The following ZBTB43 variants were observed in gnomAD, a reference collection of about 807,000 sequenced individuals.
The protein encoded by ZBTB43 is zinc finger and BTB domain-containing protein 43.
A neutral mutation model predicts 31.1 loss-of-function variants in ZBTB43; 6 were observed. The observed-to-expected ratio is 0.19, with a 90% CI of 0.11 to 0.38. The LOEUF (loss-of-function observed/expected upper bound fraction) is 0.38. Among genes scored for constraint, ZBTB43 ranks in the 10% least tolerant of loss-of-function variants. The probability of loss-of-function intolerance (pLI) is 1.00; values close to 1 mark genes in which losing one functional copy is unlikely to be tolerated. For synonymous variants in ZBTB43, 212 were observed against 221.7 expected (o/e 0.96, Z 0.39); for missense variants, 379 against 602.1 (o/e 0.63, Z 3.88).
chr9:126,832,660 C>T lies in ZBTB43; in HGVS notation c.151C>T (p.Leu51Phe). 1 of 1,614,182 alleles carries T rather than the reference C, an allele frequency of 6.2e-7. No homozygotes were observed. Among genetic ancestry groups the T allele is most frequent in the Non-Finnish European group, 8.5e-7 (1 of 1,180,052 alleles). ...CATTTTCCGGGCACACAAAGCCGTT[C>T]TTGCTGCCAGTTCACCCTACTTTTG... is the stretch of plus-strand genomic sequence containing the variant. Reference protein sequence around the residue: ...GHIFRAHKAVLAASSPYFCDQ... With the variant: ...GHIFRAHKAVFAASSPYFCDQ... Residue 51 changes from leucine (L) to phenylalanine (F), a missense_variant, in exon 3 of 3, where the codon CTT becomes TTT. By Grantham distance (22) the Leu-to-Phe change is conservative. This residue lies in a region of ZBTB43 where 79 missense variants were observed against 134.4 expected (regional missense o/e 0.59). Transcript: ENST00000373464.
In ZBTB43 at chr9:126,805,400, A is replaced by T. The variant is rs2032101074; in HGVS notation, c.-147+268A>T. Among the ~76,000 whole-genome samples, 3 of 150,824 alleles carry T rather than the reference A, an allele frequency of 2.0e-5. No individual in the cohort carries two copies. The South Asian group carries it at 6.6e-4, about 33-fold the overall frequency. ...CCCAAGGTCACCCTCGCGGCGGCGG[A>T]GCTCCGCCGGCCACAGCGCTTAGAG... On this transcript the variant is annotated intron_variant, in intron 1 of 2. Transcript: ENST00000373464.
chr9:126,828,111 G>C (rs1266873499), intron 2 of ZBTB43, among the ~76,000 whole-genome samples: 1 of 151,986 alleles, frequency 6.6e-6, no homozygotes, highest in Non-Finnish European at 1.5e-5. Context: ...TAGCCATTTT[G>C]GAGGAAAAAA....
intron 2 of ZBTB43, among the ~76,000 whole-genome samples, chr9:126,818,125 T>C (rs540663700): frequency 9.9e-4 from 148 of 150,192 alleles, no homozygotes; most frequent in African/African-American, 3.0e-3. Context: ...TTTTCTTTTT[T>C]TTTTTTTTTC....
At position 126,813,995 on chromosome 9, in the gene ZBTB43, T is replaced by A. The variant is rs576693942; in HGVS notation, c.-24+5080T>A. ...TATATTATCATTTTTGTAAATGTCC[T>A]ACAGACAGTAGAAAAGGAGTATTAT... On this transcript the variant is annotated intron_variant, in intron 2 of 2. Transcript: ENST00000373464. Among the ~76,000 whole-genome samples, 36 of 152,312 alleles carry A rather than the reference T, an allele frequency of 2.4e-4. No homozygotes were observed. In the South Asian group the frequency reaches 7.2e-3, roughly 31 times the overall value.
chr9:126,828,017 C>CA (rs113774199), intron 2 of ZBTB43, among the ~76,000 whole-genome samples: 4,686 of 144,544 alleles, frequency 0.032, 236 homozygotes, highest in African/African-American at 0.11. Flanking sequence ...AACTCCGTCT[C>CA]AAAAAAAAAA....
At chr9:126,821,047 CTGA>C (rs941275962) in intron 2 of ZBTB43, among the ~76,000 whole-genome samples, 1 of 150,912 alleles carries the variant, frequency 6.6e-6, no homozygotes, top group African/African-American at 2.4e-5. Context: ...CTCTGACACT[CTGA>C]TGGATATCTG....
chr9:126,818,051 C>A (rs2032430068), intron 2 of ZBTB43, among the ~76,000 whole-genome samples: 1 of 151,370 alleles, frequency 6.6e-6, no homozygotes, highest in African/African-American at 2.4e-5. Flanking sequence ...AATCCATAAA[C>A]AACATGGTAT....
rs534432749 is a variant in ZBTB43, at chr9:126,837,173, G to A, written c.*3260G>A. The A allele has an allele frequency of 3.0e-5, 5 of 166,864 alleles. No individual in the cohort carries two copies. Among genetic ancestry groups the A allele is most frequent in the Admixed American group, 6.6e-5 (1 of 15,266 alleles). The allele number at this position is 166,864 out of a possible 1,614,324, so 10.3% of individuals were successfully genotyped here. A position where few individuals can be genotyped will look rare whatever the true frequency, so the allele number is the denominator to read the frequency against. ...AGATACACACGTTACAGTAATCCACGTGGTGAAGTGCATGTCACCGTTAAC... is the reference window on the plus strand; with the variant it reads ...AGATACACACGTTACAGTAATCCACATGGTGAAGTGCATGTCACCGTTAAC... On this transcript the variant is annotated 3_prime_UTR_variant, in exon 3 of 3. Coordinates refer to ENST00000373464, the MANE Select transcript of ZBTB43 (RefSeq NM_014007.4).
chr9:126,804,723 G>C (rs563008742), upstream of ZBTB43, among the ~76,000 whole-genome samples: 1 of 152,224 alleles, frequency 6.6e-6, no homozygotes, highest in Non-Finnish European at 1.5e-5. Flanking sequence ...AGCCTCAAGC[G>C]ATCATCCCCT....
At chr9:126,826,239 T>A (rs2032632411) in intron 2 of ZBTB43, among the ~76,000 whole-genome samples, 1 of 151,202 alleles carries the variant, frequency 6.6e-6, no homozygotes, top group Non-Finnish European at 1.5e-5. Flanking sequence ...TTGGAACTCC[T>A]GACCTCAGGT....
At chr9:126,807,139 T>A (rs2032143789) in intron 1 of ZBTB43, among the ~76,000 whole-genome samples, 1 of 152,258 alleles carries the variant, frequency 6.6e-6, no homozygotes, top group South Asian at 2.1e-4. Flanking sequence ...ATATCACAAC[T>A]GAATTACTAC....
In ZBTB43 at chr9:126,836,904, G is replaced by A. The variant is rs1445672548; in HGVS notation, c.*2991G>A. On this transcript the variant is annotated 3_prime_UTR_variant, in exon 3 of 3. Transcript: ENST00000373464. Reference sequence around the variant, plus strand: ...GGATCACCTGAGGTCAGGAGTTTGTGACCAGCCTGACCAACATAGTGAAAC... The same window carrying A: ...GGATCACCTGAGGTCAGGAGTTTGTAACCAGCCTGACCAACATAGTGAAAC... 1 of 153,546 alleles carries A rather than the reference G, an allele frequency of 6.5e-6. No individual in the cohort carries two copies. The highest frequency in any genetic ancestry group is 1.5e-5 in the Non-Finnish European group (1 of 68,054). 9.5% of individuals were successfully genotyped at this position (153,546 alleles called of 1,614,324 possible).
rs946572197 is a variant in ZBTB43, at chr9:126,837,224, C to G, written c.*3311C>G. On this transcript the variant is annotated 3_prime_UTR_variant, in exon 3 of 3. Coordinates refer to ENST00000373464, the MANE Select transcript of ZBTB43 (RefSeq NM_014007.4). The stretch of plus-strand genomic sequence containing the variant: ...TAAGGAAGGACTGCGGTAACTTACC[C>G]TGCAGGGCTGTAGGTTGCCTGCAGG... 1.2e-5 allele frequency: 2 copies of G among 167,108 alleles called. No homozygotes were observed. The highest frequency in any genetic ancestry group is 4.8e-5 in the African/African-American group (2 of 41,472). 10.4% of individuals were successfully genotyped at this position (167,108 alleles called of 1,614,324 possible). A position where few individuals can be genotyped will look rare whatever the true frequency, so the allele number is the denominator to read the frequency against.
intron 1 of ZBTB43, among the ~76,000 whole-genome samples, chr9:126,805,886 C>G (rs1471433147): frequency 6.6e-6 from 1 of 152,174 alleles, no homozygotes; most frequent in Non-Finnish European, 1.5e-5. Context: ...CTGCCCAGAC[C>G]TCTGAGCCAT....
chr9:126,832,204 T>C (rs2032779563), intron 2 of ZBTB43: 1 of 327,196 alleles, frequency 3.1e-6, no homozygotes, highest in African/African-American at 2.1e-5. Context: ...TTGGTTTTAC[T>C]TGGGAGATTT....
intron 2 of ZBTB43, among the ~76,000 whole-genome samples, chr9:126,821,929 C>A (rs966020065): frequency 6.6e-6 from 1 of 152,140 alleles, no homozygotes; most frequent in African/African-American, 2.4e-5. Context: ...ATGGCACGAT[C>A]TTGGCTCACT....
At chr9:126,827,525 T>G (rs1042402559) in intron 2 of ZBTB43, among the ~76,000 whole-genome samples, 2 of 152,200 alleles carry the variant, frequency 1.3e-5, no homozygotes, top group Non-Finnish European at 2.9e-5. Flanking sequence ...CAGCACTCTC[T>G]TGGTTGCTGT....
At chr9:126,812,038 C>T (rs529708904) in intron 2 of ZBTB43, among the ~76,000 whole-genome samples, 21 of 152,078 alleles carry the variant, frequency 1.4e-4, no homozygotes, top group African/African-American at 4.8e-4. Flanking sequence ...AATTTTAGAA[C>T]TTTTGTCTCC....
At chr9:126,818,335 T>G (rs2032438999) in intron 2 of ZBTB43, among the ~76,000 whole-genome samples, 1 of 151,804 alleles carries the variant, frequency 6.6e-6, no homozygotes, top group African/African-American at 2.4e-5. Context: ...GGTCTTGCTG[T>G]GTCGTCCAGG....
Sources: gnomAD v4.1 joint callset for allele counts (sites outside exome capture counted in the v4.1 genomes callset) on GRCh38, gnomAD v4.1.1 for gene constraint, gnomAD v4.1.1 regional missense constraint, MANE v1.5 for transcripts, NCBI Gene and HGNC (gene_info 2026-07-23, HGNC 2026-07-21) for gene names.